Variants in TAFA1 observed in about 807,000 individuals in gnomAD.
TAFA1 encodes the protein TAFA chemokine like family member 1.
In TAFA1, 4 loss-of-function variants were observed where a neutral mutation model predicts 18.5. The ratio of observed to expected loss-of-function variants is 0.22; its 90% confidence interval spans 0.11 to 0.49. The LOEUF (loss-of-function observed/expected upper bound fraction) is 0.49. TAFA1 is among the 20% of genes least tolerant of loss of function. TAFA1 has a pLI of 0.98. For synonymous variants in TAFA1, 56 were observed against 55.2 expected (o/e 1.01, Z -0.06); for missense variants, 147 against 169.0 (o/e 0.87, Z 0.72).
chr3:68,105,560 C>T (rs968966556), intron 2 of TAFA1, among the ~76,000 whole-genome samples: 2 of 151,754 alleles, frequency 1.3e-5, no homozygotes, highest in African/African-American at 4.9e-5. Flanking sequence ...CAACAACAAC[C>T]ATAGAAGGTA....
At chr3:68,340,341 A>G (rs543278073) in intron 2 of TAFA1, among the ~76,000 whole-genome samples, 3 of 152,366 alleles carry the variant, frequency 2.0e-5, no homozygotes, top group East Asian at 3.9e-4. Flanking sequence ...AATAAGCTAC[A>G]TGAAATCCAT....
chr3:68,214,596 A>C (rs927726120), intron 2 of TAFA1, among the ~76,000 whole-genome samples: 6 of 152,036 alleles, frequency 3.9e-5, no homozygotes, highest in African/African-American at 1.4e-4. Flanking sequence ...ACTTTGAGCA[A>C]GTTCCTTAGT....
intron 4 of TAFA1, among the ~76,000 whole-genome samples, chr3:68,540,517 G>T (rs1428830339): frequency 6.6e-6 from 1 of 152,074 alleles, no homozygotes; most frequent in South Asian, 2.1e-4. Flanking sequence ...CTCACAAATT[G>T]GTTTGTTTTA....
intron 2 of TAFA1, among the ~76,000 whole-genome samples, chr3:68,158,208 A>G (rs1183504541): frequency 6.6e-6 from 1 of 152,032 alleles, no homozygotes; most frequent in Non-Finnish European, 1.5e-5. Flanking sequence ...TGGCATTCAT[A>G]TTGCTGAAAT....
intron 3 of TAFA1, among the ~76,000 whole-genome samples, chr3:68,495,132 T>C (rs1288523859): frequency 6.6e-6 from 1 of 152,212 alleles, no homozygotes; most frequent in Non-Finnish European, 1.5e-5. Context: ...CAACACAGGC[T>C]TCAGGCTTGT....
At chr3:68,498,042 AG>A (rs1272336015) in intron 3 of TAFA1, among the ~76,000 whole-genome samples, 1 of 152,168 alleles carries the variant, frequency 6.6e-6, no homozygotes, top group Admixed American at 6.5e-5. Context: ...CTTGATACTA[AG>A]TACATTCTTT....
At chr3:68,470,373 C>A (rs1458415959) in intron 3 of TAFA1, among the ~76,000 whole-genome samples, 4 of 152,058 alleles carry the variant, frequency 2.6e-5, no homozygotes, top group Non-Finnish European at 4.4e-5. Context: ...TAAAGATACC[C>A]CAAAATGTGG....
At chr3:68,229,473 A>G (rs1192140166) in intron 2 of TAFA1, among the ~76,000 whole-genome samples, 1 of 152,232 alleles carries the variant, frequency 6.6e-6, no homozygotes, top group Non-Finnish European at 1.5e-5. Flanking sequence ...AAATCCCAAC[A>G]TAATCAAAGT....
intron 2 of TAFA1, among the ~76,000 whole-genome samples, chr3:68,348,989 T>G (rs933177975): frequency 6.6e-6 from 1 of 151,580 alleles, no homozygotes; most frequent in African/African-American, 2.4e-5. Context: ...AACAAACTGG[T>G]TTTCTTATGC....
chr3:68,412,058 C>G (rs141863390), intron 2 of TAFA1, among the ~76,000 whole-genome samples: 1 of 152,222 alleles, frequency 6.6e-6, no homozygotes, highest in East Asian at 1.9e-4. Context: ...AATCAAAGAG[C>G]CTGTTATTTA....
chr3:68,201,196 T>G (rs973332044), intron 2 of TAFA1, among the ~76,000 whole-genome samples: 4 of 151,888 alleles, frequency 2.6e-5, no homozygotes, highest in African/African-American at 4.8e-5. Flanking sequence ...TCTAGTTATC[T>G]TTCTGTTATT....
At chr3:68,428,943 C>T in intron 3 of TAFA1, among the ~76,000 whole-genome samples, 1 of 151,922 alleles carries the variant, frequency 6.6e-6, no homozygotes, top group East Asian at 1.9e-4. Flanking sequence ...GAAACCTAAA[C>T]CTTCTCAATA....
intron 2 of TAFA1, among the ~76,000 whole-genome samples, chr3:68,010,395 A>G (rs989686723): frequency 2.0e-5 from 3 of 152,212 alleles, no homozygotes; most frequent in Non-Finnish European, 4.4e-5. Context: ...CCTCACCTGG[A>G]TGGCACCAGC....
At chr3:68,236,556 C>T (rs137957662) in intron 2 of TAFA1, among the ~76,000 whole-genome samples, 5 of 152,236 alleles carry the variant, frequency 3.3e-5, no homozygotes, top group South Asian at 4.1e-4. Flanking sequence ...AGGAGACAGA[C>T]GTTCGCTAAC....
At chr3:68,515,683 T>C (rs1233161511) in intron 3 of TAFA1, among the ~76,000 whole-genome samples, 2 of 152,260 alleles carry the variant, frequency 1.3e-5, no homozygotes, top group Admixed American at 6.5e-5. Context: ...CATAAAAGCC[T>C]GAACCTTAAA....
At chr3:68,002,130 A>G (rs540023774), upstream of TAFA1, among the ~76,000 whole-genome samples, 1 of 152,216 alleles carries the variant, frequency 6.6e-6, no homozygotes, top group Non-Finnish European at 1.5e-5. Flanking sequence ...TTGAGTTGGG[A>G]GAATACACTA....
chr3:68,408,308 A>C (rs975708856), intron 2 of TAFA1, among the ~76,000 whole-genome samples: 2 of 152,194 alleles, frequency 1.3e-5, no homozygotes, highest in African/African-American at 4.8e-5. Flanking sequence ...GTTTACTCAT[A>C]GTTACTTTTA....
intron 2 of TAFA1, among the ~76,000 whole-genome samples, chr3:68,033,333 C>T (rs894892142): frequency 1.3e-5 from 2 of 152,166 alleles, no homozygotes; most frequent in African/African-American, 4.8e-5. Context: ...TGACTTTCAA[C>T]ACCTGACATA....
chr3:68,417,625 T>G (rs991778077), intron 3 of TAFA1: 3 of 569,346 alleles, frequency 5.3e-6, no homozygotes, highest in African/African-American at 3.8e-5. Flanking sequence ...AAAAAATAGA[T>G]GTTGAAATTT....
Sources: allele counts gnomAD v4.1 joint callset (sites outside exome capture counted in the v4.1 genomes callset), GRCh38; gene constraint gnomAD v4.1.1; transcripts MANE v1.5; gene names NCBI Gene and HGNC (gene_info 2026-07-23, HGNC 2026-07-21).